The following CDC42BPB variants were observed in gnomAD, a reference collection of about 807,000 sequenced individuals.
The protein encoded by CDC42BPB is CDC42 binding protein kinase beta.
In CDC42BPB, 37 loss-of-function variants were observed where a neutral mutation model predicts 214.9. That is an observed-to-expected ratio of 0.17 (90% CI 0.13 to 0.23). The LOEUF (loss-of-function observed/expected upper bound fraction) is 0.23, where lower values mean the gene tolerates loss of function less well. Among genes scored for constraint, CDC42BPB ranks in the 10% least tolerant of loss-of-function variants. The pLI is 1.00. For missense variants in CDC42BPB, 1,694 were observed against 2,227.0 expected (o/e 0.76, Z 4.82); for synonymous variants, 931 against 884.0 (o/e 1.05, Z -0.94).
intron 20 of CDC42BPB, among the ~76,000 whole-genome samples, chr14:102,962,634 G>A (rs1893012044): frequency 6.6e-6 from 1 of 152,224 alleles, no homozygotes; most frequent in South Asian, 2.1e-4. Context: ...TGGATTGCCT[G>A]AGGTCAGGAG....
chr14:102,987,156 G>T (rs934775838), intron 5 of CDC42BPB, among the ~76,000 whole-genome samples: 2 of 152,142 alleles, frequency 1.3e-5, no homozygotes, highest in Non-Finnish European at 2.9e-5. Context: ...GCTGCAAACC[G>T]CCCCATACCC....
chr14:102,976,465 T>C (rs1893750163), intron 9 of CDC42BPB, among the ~76,000 whole-genome samples: 1 of 152,202 alleles, frequency 6.6e-6, no homozygotes, highest in South Asian at 2.1e-4. Context: ...GGACAGCTCT[T>C]TCAACTCTTC....
chr14:103,002,342 T>A (rs1312582604), intron 4 of CDC42BPB, among the ~76,000 whole-genome samples: 1 of 152,198 alleles, frequency 6.6e-6, no homozygotes, highest in Admixed American at 6.5e-5. Context: ...CCTGGGCAAC[T>A]CCAAAATCTC....
Position 103,004,079 on chromosome 14 carries a change from G to C in CDC42BPB, c.352-56C>G. On this transcript the variant is annotated intron_variant, in intron 3 of 36. Coordinates refer to ENST00000361246, the MANE Select transcript of CDC42BPB (RefSeq NM_006035.4). This position sits in a 1 kb window ranked among gnomAD's most constrained non-coding sequence, Gnocchi z 5.3. ...TTCACTGGGAAGCAGGCCAGAGAGC[G>C]TACTGCCGGTCTCGGGGTCCCTCCT... The C allele has an allele frequency of 4.6e-6, 7 of 1,517,696 alleles. No homozygotes were observed. The highest frequency in any genetic ancestry group is 6.2e-6 in the Non-Finnish European group (7 of 1,130,436). 94.0% of individuals were successfully genotyped at this position (1,517,696 alleles called of 1,614,324 possible). A position where few individuals can be genotyped will look rare whatever the true frequency, so the allele number is the denominator to read the frequency against.
rs1011613467 is a variant in CDC42BPB, at chr14:103,057,217, G to C, written c.-44C>G. 12 of 1,297,214 alleles carry C rather than the reference G, an allele frequency of 9.3e-6. No individual in the cohort carries two copies. Among genetic ancestry groups the C allele is most frequent in the African/African-American group, 3.1e-5 (2 of 64,960 alleles). 80.4% of individuals were successfully genotyped at this position (1,297,214 alleles called of 1,614,324 possible). The stretch of plus-strand genomic sequence containing the variant: ...CCCGACGCGCCGGCCTCTCACCGCC[G>C]GCTCGGCCAGTCCGTCAGGGCGCGC... On this transcript the variant is annotated 5_prime_UTR_variant, in exon 1 of 37. Coordinates refer to ENST00000361246, the MANE Select transcript of CDC42BPB (RefSeq NM_006035.4).
At chr14:103,021,476 A>ACAT (rs1449619723) in intron 1 of CDC42BPB, among the ~76,000 whole-genome samples, 1 of 151,284 alleles carries the variant, frequency 6.6e-6, no homozygotes, top group African/African-American at 2.4e-5. Flanking sequence ...AAAAAAAAAG[A>ACAT]CATCAAGGCC....
At chr14:103,027,919 C>G (rs975751843) in intron 1 of CDC42BPB, among the ~76,000 whole-genome samples, 1 of 152,142 alleles carries the variant, frequency 6.6e-6, no homozygotes, top group African/African-American at 2.4e-5. Context: ...CACTTGAGGT[C>G]AGGAGTTCCA....
chr14:102,994,011 A>G (rs1304732195), intron 5 of CDC42BPB, among the ~76,000 whole-genome samples: 1 of 152,230 alleles, frequency 6.6e-6, no homozygotes, highest in African/African-American at 2.4e-5. Flanking sequence ...GCAAATAACC[A>G]TAATTTCACA....
chr14:102,993,472 T>C (rs1401184683), intron 5 of CDC42BPB, among the ~76,000 whole-genome samples: 1 of 152,080 alleles, frequency 6.6e-6, no homozygotes, highest in East Asian at 1.9e-4. Flanking sequence ...TCTGCATTCT[T>C]TTCTCATGAA....
At chr14:102,976,730 G>C (rs1893763383) in intron 9 of CDC42BPB, among the ~76,000 whole-genome samples, 1 of 152,244 alleles carries the variant, frequency 6.6e-6, no homozygotes, top group Admixed American at 6.5e-5. Context: ...CTTTAGAGAA[G>C]ACCTGGTCAG....
chr14:102,965,961 A>C (rs949613317), intron 18 of CDC42BPB, among the ~76,000 whole-genome samples: 6 of 152,172 alleles, frequency 3.9e-5, no homozygotes, highest in Admixed American at 2.0e-4. Context: ...TCGCGGGAGG[A>C]AAAAAATAAA....
chr14:102,952,275 T>G (rs1037528531), intron 24 of CDC42BPB, among the ~76,000 whole-genome samples: 1 of 152,208 alleles, frequency 6.6e-6, no homozygotes, highest in African/African-American at 2.4e-5. Context: ...GGGAATCGCT[T>G]GAGCTGAACT....
intron 29 of CDC42BPB, chr14:102,945,360 G>A (rs567318899): frequency 4.9e-5 from 25 of 512,088 alleles, no homozygotes; most frequent in Admixed American, 2.3e-4. Context: ...AGAAACTAAA[G>A]CTTCTCAAGT....
intron 6 of CDC42BPB, 39 bp downstream of exon 6, chr14:102,986,448 C>A: frequency 6.5e-7 from 1 of 1,531,304 alleles, no homozygotes; most frequent in Non-Finnish European, 9.0e-7. Context: ...ATATGCCAAA[C>A]CCAAAACCAA....
At chr14:102,959,135 A>G (rs1892843031) in intron 21 of CDC42BPB, among the ~76,000 whole-genome samples, 1 of 151,760 alleles carries the variant, frequency 6.6e-6, no homozygotes, top group South Asian at 2.1e-4. Context: ...TGTCTCTACT[A>G]AAAATACAAA....
Position 103,056,944 on chromosome 14 carries a change from G to A in CDC42BPB, c.175+55C>T, listed in dbSNP as rs956063571. On this transcript the variant is annotated intron_variant, in intron 1 of 36. Coordinates refer to ENST00000361246, the MANE Select transcript of CDC42BPB (RefSeq NM_006035.4). ...GATGGGCGGGCGTGGGGATGCGCGG[G>A]CTGGGGCGCGGGGGTCGCAGAGCCG... 6.5e-4 allele frequency: 800 copies of A among 1,239,226 alleles called. 1 individual carries two copies. The highest frequency in any genetic ancestry group is 8.0e-4 in the Non-Finnish European group (760 of 953,826). The allele number at this position is 1,239,226 out of a possible 1,614,324, so 76.8% of individuals were successfully genotyped here. A position where few individuals can be genotyped will look rare whatever the true frequency, so the allele number is the denominator to read the frequency against.
rs1179719145 is a variant in CDC42BPB at position 102,943,855 on chromosome 14, A to G, written c.4408+36T>C. On this transcript the variant is annotated intron_variant, in intron 30 of 36. Coordinates refer to ENST00000361246, the MANE Select transcript of CDC42BPB (RefSeq NM_006035.4). The surrounding 1 kb of genome is among the most constrained non-coding windows in gnomAD (Gnocchi z 4.6). Reference sequence around the variant, plus strand: ...CATGCTGACTGTCGGTGGGAAAAGCAGCAACAGGGATATGCAACAGAAAAC... The same window carrying G: ...CATGCTGACTGTCGGTGGGAAAAGCGGCAACAGGGATATGCAACAGAAAAC... 6.4e-7 allele frequency: 1 copy of G among 1,551,442 alleles called. No homozygotes were observed. Among genetic ancestry groups the G allele is most frequent in the East Asian group, 2.3e-5 (1 of 44,232 alleles).
chr14:102,946,942 ACG>A, intron 27 of CDC42BPB: 6 of 695,514 alleles, frequency 8.6e-6, no homozygotes. Flanking sequence ...TGTCAAAACT[ACG>A]AGTAGCTGCC....
At chr14:102,933,911 G>C (rs1402876696) in intron 36 of CDC42BPB, 68 bp from the exon 37 acceptor site, 61 of 1,455,096 alleles carry the variant, frequency 4.2e-5, no homozygotes, top group Non-Finnish European at 2.6e-5. Context: ...GTGCCCAGCT[G>C]GATGCAAATG....
Sources: allele counts gnomAD v4.1 joint callset (sites outside exome capture counted in the v4.1 genomes callset), GRCh38; gene constraint gnomAD v4.1.1; non-coding constraint Gnocchi (gnomAD v3.1); transcripts MANE v1.5; gene names NCBI Gene and HGNC (gene_info 2026-07-23, HGNC 2026-07-21).